Variants in RAPGEF2 observed in about 807,000 individuals in gnomAD.
RAPGEF2 encodes the protein Rap guanine nucleotide exchange factor 2.
RAPGEF2 carries 54 observed loss-of-function variants against 186.7 expected under a neutral mutation model. That is an observed-to-expected ratio of 0.29 (90% CI 0.23 to 0.36). The LOEUF (loss-of-function observed/expected upper bound fraction) is 0.36, where lower values mean the gene tolerates loss of function less well. RAPGEF2 is among the 10% of genes least tolerant of loss of function. The pLI is 1.00. For synonymous variants in RAPGEF2, 712 were observed against 705.9 expected (o/e 1.01, Z -0.14); for missense variants, 1,532 against 2,045.0 (o/e 0.75, Z 4.84).
intron 1 of RAPGEF2, among the ~76,000 whole-genome samples, chr4:159,123,357 T>A (rs1229852298): frequency 6.6e-6 from 1 of 152,188 alleles, no homozygotes; most frequent in Non-Finnish European, 1.5e-5. Flanking sequence ...AAAGTGTTAA[T>A]TCCCTCATAG....
At chr4:159,299,578 C>T (rs774687797) in intron 7 of RAPGEF2, among the ~76,000 whole-genome samples, 5 of 152,020 alleles carry the variant, frequency 3.3e-5, no homozygotes, top group African/African-American at 4.8e-5. Flanking sequence ...AGAAGGGCAG[C>T]CACCCTTGTT....
chr4:159,274,778 G>GA (rs1306903890), intron 7 of RAPGEF2, among the ~76,000 whole-genome samples: 1 of 152,062 alleles, frequency 6.6e-6, no homozygotes, highest in Non-Finnish European at 1.5e-5. Flanking sequence ...GAAACTAATA[G>GA]AAAAAATATA....
intron 2 of RAPGEF2, among the ~76,000 whole-genome samples, chr4:159,189,855 C>T (rs1402353608): frequency 6.6e-6 from 1 of 152,210 alleles, no homozygotes; most frequent in East Asian, 1.9e-4. Flanking sequence ...TGTATACTTA[C>T]TGTGTACTTG....
intron 1 of RAPGEF2, among the ~76,000 whole-genome samples, chr4:159,145,123 T>C (rs1179832562): frequency 1.3e-5 from 2 of 151,960 alleles, no homozygotes; most frequent in African/African-American, 2.4e-5. Flanking sequence ...TCAAGTGATC[T>C]GCCCGCCTCA....
intron 4 of RAPGEF2, among the ~76,000 whole-genome samples, chr4:159,212,175 A>C (rs962669198): frequency 6.6e-6 from 1 of 152,116 alleles, no homozygotes; most frequent in African/African-American, 2.4e-5. Flanking sequence ...TGACCCTGTG[A>C]ACCAGCTTCG....
rs576436839 is a variant in RAPGEF2, at chr4:159,248,700, G to A, written c.543+4909G>A. On this transcript the variant is annotated intron_variant, in intron 7 of 29. Coordinates refer to ENST00000691494, the MANE Select transcript of RAPGEF2 (RefSeq NM_001394067.2). ...GTATTTACGTTGATTTAATTTATAC[G>A]GATTGGGAAATTGCACTATAGCATA... 7.8e-4 allele frequency among the ~76,000 whole-genome samples: 118 copies of A among 152,224 alleles called. 1 individual carries two copies. The highest frequency in any genetic ancestry group is 1.5e-3 in the Non-Finnish European group (102 of 68,008).
chr4:159,185,551 G>A (rs573440460), intron 1 of RAPGEF2, among the ~76,000 whole-genome samples: 1 of 152,176 alleles, frequency 6.6e-6, no homozygotes, highest in African/African-American at 2.4e-5. Flanking sequence ...CTAAGTGAAG[G>A]AAGTTGTCCC....
At position 159,353,457 on chromosome 4, in the gene RAPGEF2, T is replaced by A; in HGVS notation, c.4092-30T>A. On this transcript the variant is annotated intron_variant, in intron 27 of 29. Coordinates refer to ENST00000691494, the MANE Select transcript of RAPGEF2 (RefSeq NM_001394067.2). This position sits in a 1 kb window ranked among gnomAD's most constrained non-coding sequence, Gnocchi z 4.3. ...GAATTAGTTATCAATCTTGTTTTTT[T>A]TTTCTTTTCCATTTCTTTTAACCAC... 1.4e-6 allele frequency: 2 copies of A among 1,412,926 alleles called. No individual in the cohort carries two copies. Among genetic ancestry groups the A allele is most frequent in the Non-Finnish European group, 1.9e-6 (2 of 1,075,400 alleles). The allele number at this position is 1,412,926 out of a possible 1,614,324, so 87.5% of individuals were successfully genotyped here.
chr4:159,167,657 G>C (rs1745470960), intron 1 of RAPGEF2, among the ~76,000 whole-genome samples: 1 of 152,116 alleles, frequency 6.6e-6, no homozygotes, highest in African/African-American at 2.4e-5. Flanking sequence ...TGTCTTACTA[G>C]AAAGGACAAT....
chr4:159,344,559 TAAC>T (rs1282918352), intron 23 of RAPGEF2, among the ~76,000 whole-genome samples: 1 of 152,216 alleles, frequency 6.6e-6, no homozygotes, highest in East Asian at 1.9e-4. Flanking sequence ...AAATAATTCT[TAAC>T]AATTCATGTG....
At chr4:159,243,581 A>C (rs1194896822) in intron 6 of RAPGEF2, among the ~76,000 whole-genome samples, 193 bp from the exon 7 acceptor site, 3 of 152,050 alleles carry the variant, frequency 2.0e-5, no homozygotes, top group Non-Finnish European at 2.9e-5. Flanking sequence ...AGGTGATTTA[A>C]AGTCATTGCA....
At chr4:159,200,497 A>G (rs192133559) in intron 3 of RAPGEF2, among the ~76,000 whole-genome samples, 173 of 152,202 alleles carry the variant, frequency 1.1e-3, no homozygotes, top group Non-Finnish European at 1.9e-3. Context: ...AAATAATGAA[A>G]AAAATGATAA....
intron 7 of RAPGEF2, among the ~76,000 whole-genome samples, chr4:159,263,731 C>A (rs1328630816): frequency 6.6e-6 from 1 of 152,018 alleles, no homozygotes; most frequent in Admixed American, 6.6e-5. Flanking sequence ...TATGGTTAAA[C>A]ACTGTATATG....
chr4:159,250,609 A>G lies in RAPGEF2; in HGVS notation c.543+6818A>G, dbSNP rs140090384. Among the ~76,000 whole-genome samples the G allele has an allele frequency of 3.3e-3, 509 of 152,240 alleles. 4 individuals carry two copies. The highest frequency in any genetic ancestry group is 0.012 in the African/African-American group (491 of 41,526). The stretch of plus-strand genomic sequence containing the variant: ...CAGAAGACATTTGAGGGTATTAGAA[A>G]ATAAAACCTCAAAATAAGTTGTGAC... On this transcript the variant is annotated intron_variant, in intron 7 of 29. Coordinates refer to ENST00000691494, the MANE Select transcript of RAPGEF2 (RefSeq NM_001394067.2).
chr4:159,275,142 A>G (rs1758686786), intron 7 of RAPGEF2, among the ~76,000 whole-genome samples: 2 of 151,472 alleles, frequency 1.3e-5, no homozygotes, highest in South Asian at 4.1e-4. Flanking sequence ...GATACATCAT[A>G]TCTTTATAAC....
chr4:159,219,226 A>G (rs1196966398), intron 4 of RAPGEF2, among the ~76,000 whole-genome samples: 4 of 152,136 alleles, frequency 2.6e-5, no homozygotes, highest in East Asian at 3.9e-4. Context: ...GCATTAACCT[A>G]TGAAGTAATT....
chr4:159,278,728 G>A (rs930301201), intron 7 of RAPGEF2, among the ~76,000 whole-genome samples: 3 of 152,176 alleles, frequency 2.0e-5, no homozygotes, highest in African/African-American at 4.8e-5. Flanking sequence ...TCACTCATTC[G>A]CTGTGTGACC....
rs1257651710 is a variant in RAPGEF2, at chr4:159,359,010, GTGTCC to G, written c.*876_*880del. On this transcript the variant is annotated 3_prime_UTR_variant, in exon 30 of 30. Coordinates refer to ENST00000691494, the MANE Select transcript of RAPGEF2 (RefSeq NM_001394067.2). Reference sequence around the variant, plus strand: ...GCCAGGGGAGGGAACTAGGACCCTTGTGTCCTGTCTGAGCCTTATGGAGGCAGGAC... The same window carrying G: ...GCCAGGGGAGGGAACTAGGACCCTTGTGTCTGAGCCTTATGGAGGCAGGAC... 2 of 152,278 alleles carry G rather than the reference GTGTCC, an allele frequency of 1.3e-5. No homozygotes were observed. Among genetic ancestry groups the G allele is most frequent in the Admixed American group, 1.3e-4 (2 of 15,284 alleles). 9.4% of individuals were successfully genotyped at this position (152,278 alleles called of 1,614,324 possible). A position where few individuals can be genotyped will look rare whatever the true frequency, so the allele number is the denominator to read the frequency against.
chr4:159,154,718 C>G (rs1743936096), intron 1 of RAPGEF2, among the ~76,000 whole-genome samples: 1 of 152,094 alleles, frequency 6.6e-6, no homozygotes, highest in Non-Finnish European at 1.5e-5. Context: ...CAAGAGATCT[C>G]TTGAATCAGA....
Sources: gnomAD v4.1 joint callset for allele counts (sites outside exome capture counted in the v4.1 genomes callset) on GRCh38, gnomAD v4.1.1 for gene constraint, Gnocchi (gnomAD v3.1) non-coding constraint, MANE v1.5 for transcripts, NCBI Gene and HGNC (gene_info 2026-07-23, HGNC 2026-07-21) for gene names.